ANKS6: variants seen among roughly 807,000 people sequenced by gnomAD.
ANKS6 encodes ankyrin repeat and SAM domain-containing protein 6.
In ANKS6, 47 loss-of-function variants were observed where a neutral mutation model predicts 77.9. That is an observed-to-expected ratio of 0.60 (90% CI 0.48 to 0.77). The LOEUF is 0.77. Ranked by LOEUF, ANKS6 falls within the 30% of genes least tolerant of loss-of-function variation. The probability of loss-of-function intolerance (pLI) is 0.00; values close to 1 mark genes in which losing one functional copy is unlikely to be tolerated. For synonymous variants in ANKS6, 488 were observed against 501.7 expected (o/e 0.97, Z 0.37); for missense variants, 1,150 against 1,159.1 (o/e 0.99, Z 0.11).
chr9:98,745,047 T>C (rs1409785777), intron 14 of ANKS6, among the ~76,000 whole-genome samples: 1 of 152,188 alleles, frequency 6.6e-6, no homozygotes, highest in African/African-American at 2.4e-5. Flanking sequence ...GGCACTGATA[T>C]TTTTAGCTTT....
chr9:98,786,770 C>A (rs1834597160), intron 2 of ANKS6, among the ~76,000 whole-genome samples: 1 of 152,206 alleles, frequency 6.6e-6, no homozygotes. Context: ...CATGCCAAGA[C>A]CTTTTCACAG....
chr9:98,765,156 C>A (rs1833201052), intron 11 of ANKS6, among the ~76,000 whole-genome samples: 1 of 152,100 alleles, frequency 6.6e-6, no homozygotes, highest in Admixed American at 6.6e-5. Flanking sequence ...CAGACAATCC[C>A]AAATAGAATC....
chr9:98,745,594 TCTG>T lies in ANKS6; in HGVS notation c.2473_2475del (p.Gln825del). ...TTCAGTTCAGAAATCGCTGCCAGAA[TCTG>T]CTGCCTGGACCCATCTGTCTTAATT... On this transcript the variant is annotated inframe_deletion, in exon 14 of 15. Transcript: ENST00000353234. The T allele has an allele frequency of 6.2e-7, 1 of 1,614,166 alleles. No homozygotes were observed. Among genetic ancestry groups the T allele is most frequent in the Non-Finnish European group, 8.5e-7 (1 of 1,180,010 alleles).
At chr9:98,745,951 T>G (rs2131934174) in intron 13 of ANKS6, 1 of 430,312 alleles carries the variant, frequency 2.3e-6, no homozygotes, top group Non-Finnish European at 4.2e-6. Context: ...GATAGTCATC[T>G]GGGTGGCTAG....
intron 12 of ANKS6, among the ~76,000 whole-genome samples, chr9:98,753,590 C>T (rs10987604): frequency 0.016 from 2,448 of 150,406 alleles, 24 homozygotes; most frequent in Non-Finnish European, 0.025. Flanking sequence ...CACTGTACCC[C>T]AGCCTGGGTG....
chr9:98,760,812 T>C (rs7855983), intron 11 of ANKS6, among the ~76,000 whole-genome samples: 2 of 152,248 alleles, frequency 1.3e-5, no homozygotes, highest in African/African-American at 2.4e-5. Context: ...TGAAGAACAT[T>C]TGGGATGTTT....
chr9:98,758,818 A>G (rs958312836), intron 11 of ANKS6, among the ~76,000 whole-genome samples: 1 of 152,190 alleles, frequency 6.6e-6, no homozygotes, highest in Non-Finnish European at 1.5e-5. Flanking sequence ...ACACAAAAAA[A>G]TTTTTAGCCC....
chr9:98,747,589 GC>G (rs1302775207), intron 13 of ANKS6, among the ~76,000 whole-genome samples: 7 of 152,072 alleles, frequency 4.6e-5, no homozygotes, highest in South Asian at 4.2e-4. Flanking sequence ...GAAACCACCT[GC>G]CCCCCGCCCT....
At position 98,734,856 on chromosome 9, in the gene ANKS6, A is replaced by C. The variant is rs1831406696; in HGVS notation, c.*1663T>G. On this transcript the variant is annotated 3_prime_UTR_variant, in exon 15 of 15. Transcript: ENST00000353234. ...TAAAGGTGTCTATCAGTAACAGCTA[A>C]ATGAAACACTTTGTCTTCAGTCCTG... 1 of 985,494 alleles carries C rather than the reference A, an allele frequency of 1.0e-6. No individual in the cohort carries two copies. Among genetic ancestry groups the C allele is most frequent in the Non-Finnish European group, 1.2e-6 (1 of 829,948 alleles). 61.0% of individuals were successfully genotyped at this position (985,494 alleles called of 1,614,324 possible). A position where few individuals can be genotyped will look rare whatever the true frequency, so the allele number is the denominator to read the frequency against.
In ANKS6 at chr9:98,734,194, G is replaced by T. The variant is rs896061503; in HGVS notation, c.*2325C>A. The T allele has an allele frequency of 7.1e-6, 7 of 985,354 alleles. 1 individual carries two copies. In the East Asian group the frequency reaches 5.7e-4, roughly 80 times the overall value. The allele number at this position is 985,354 out of a possible 1,614,324, so 61.0% of individuals were successfully genotyped here. ...GCACACAAACTTCCTAGGATGAAAA[G>T]CCTTGGACACTTGAGTCCAGTGAAA... On this transcript the variant is annotated 3_prime_UTR_variant, in exon 15 of 15. Coordinates refer to ENST00000353234, the MANE Select transcript of ANKS6 (RefSeq NM_173551.5).
intron 12 of ANKS6, among the ~76,000 whole-genome samples, chr9:98,752,059 A>G (rs1458255894): frequency 6.6e-6 from 1 of 151,948 alleles, no homozygotes; most frequent in Non-Finnish European, 1.5e-5. Context: ...ACACCATTGC[A>G]CTCCAGCCTG....
Position 98,735,035 on chromosome 9 carries a change from G to T in ANKS6, c.*1484C>A, listed in dbSNP as rs1368045732. The T allele has an allele frequency of 2.5e-5, 25 of 985,344 alleles. No individual in the cohort carries two copies. The highest frequency in any genetic ancestry group is 3.0e-5 in the Non-Finnish European group (25 of 829,960). The allele number at this position is 985,344 out of a possible 1,614,324, so 61.0% of individuals were successfully genotyped here. ...AGGGGAATGGGCTTTCATGGCTGGG[G>T]GAGGGACAGATGAGAGATGGCACCT... On this transcript the variant is annotated 3_prime_UTR_variant, in exon 15 of 15. Transcript: ENST00000353234.
Position 98,774,033 on chromosome 9 carries a change from T to C in ANKS6, c.1665A>G (p.Lys555=), listed in dbSNP as rs1467332617. Residue 555 remains lysine (K), a synonymous_variant, in exon 9 of 15, where the codon AAA becomes AAG. Transcript: ENST00000353234. ...PLTRLPSDKL[K]AVIPPFLPPS... ...GGGGTAGGAATGGGGGGATGACTGC[T>C]TTCAGCTTGTCACTCGGGAGTCTGG... The C allele has an allele frequency of 1.9e-6, 3 of 1,562,868 alleles. No individual in the cohort carries two copies. Among genetic ancestry groups the C allele is most frequent in the Non-Finnish European group, 2.6e-6 (3 of 1,154,118 alleles).
chr9:98,738,696 A>G (rs898126975), intron 14 of ANKS6, among the ~76,000 whole-genome samples: 14 of 152,218 alleles, frequency 9.2e-5, no homozygotes, highest in African/African-American at 3.4e-4. Context: ...GAGATTCCTT[A>G]TAGAACTAAA....
chr9:98,794,341 G>T (rs1233440158), intron 1 of ANKS6, among the ~76,000 whole-genome samples: 1 of 152,118 alleles, frequency 6.6e-6, no homozygotes, highest in Non-Finnish European at 1.5e-5. Flanking sequence ...GCAGGATTCT[G>T]GGGGCGTATC....
Position 98,734,577 on chromosome 9 carries a change from G to A in ANKS6, c.*1942C>T, listed in dbSNP as rs1588305175. 5.1e-6 allele frequency: 5 copies of A among 985,440 alleles called. No individual in the cohort carries two copies. The highest frequency in any genetic ancestry group is 2.3e-4 in the East Asian group (2 of 8,810). 61.0% of individuals were successfully genotyped at this position (985,440 alleles called of 1,614,324 possible). On this transcript the variant is annotated 3_prime_UTR_variant, in exon 15 of 15. Transcript: ENST00000353234. ...CTTCTAGCTCCAGGAGTCTATAGGA[G>A]TTAGTGGAAAAGGCACAGGCTTGCA... is the stretch of plus-strand genomic sequence containing the variant.
chr9:98,786,558 G>A (rs1418258099), intron 2 of ANKS6, among the ~76,000 whole-genome samples: 1 of 152,102 alleles, frequency 6.6e-6, no homozygotes, highest in Non-Finnish European at 1.5e-5. Flanking sequence ...CCAAAGTGCT[G>A]GGATTACAGG....
chr9:98,775,089 CCT>C (rs1386280993), intron 8 of ANKS6, among the ~76,000 whole-genome samples: 4 of 152,198 alleles, frequency 2.6e-5, no homozygotes, highest in African/African-American at 9.7e-5. Flanking sequence ...AGTGCTGTCC[CCT>C]CTTTCCCTCT....
intron 11 of ANKS6, among the ~76,000 whole-genome samples, chr9:98,766,988 G>A (rs1833336670): frequency 6.6e-6 from 1 of 152,154 alleles, no homozygotes; most frequent in Non-Finnish European, 1.5e-5. Context: ...GGAGTCACTT[G>A]GTGGAGGAGC....
Sources: allele counts gnomAD v4.1 joint callset (sites outside exome capture counted in the v4.1 genomes callset), GRCh38; gene constraint gnomAD v4.1.1; transcripts MANE v1.5; gene names NCBI Gene and HGNC (gene_info 2026-07-23, HGNC 2026-07-21).